Variants in LONP2 observed in about 807,000 individuals in gnomAD.
LONP2 encodes lon protease homolog 2, peroxisomal.
LONP2 carries 60 observed loss-of-function variants against 85.6 expected under a neutral mutation model. The observed-to-expected ratio is 0.70, with a 90% CI of 0.57 to 0.87. LONP2 has a LOEUF of 0.87. Among genes scored for constraint, LONP2 ranks in the 40% least tolerant of loss-of-function variants. The pLI is 0.00. For missense variants in LONP2, 860 were observed against 1,063.5 expected (o/e 0.81, Z 2.66); for synonymous variants, 395 against 389.7 (o/e 1.01, Z -0.16).
At chr16:48,246,671 C>T (rs981391981) in intron 1 of LONP2, among the ~76,000 whole-genome samples, 2 of 152,144 alleles carry the variant, frequency 1.3e-5, no homozygotes, top group African/African-American at 4.8e-5. Flanking sequence ...AACTCCTGGG[C>T]TCAAGTGATC....
intron 11 of LONP2, among the ~76,000 whole-genome samples, chr16:48,314,204 A>G (rs563409225): frequency 7.9e-5 from 12 of 151,162 alleles, no homozygotes; most frequent in African/African-American, 2.9e-4. Context: ...TAGATACTAG[A>G]CTTTTGTCGG....
At chr16:48,299,877 T>C in intron 10 of LONP2, 89 bp downstream of exon 10, 2 of 1,370,634 alleles carry the variant, frequency 1.5e-6, no homozygotes, top group Non-Finnish European at 2.0e-6. Flanking sequence ...TATCAATATT[T>C]GAGTTTTTCA....
At chr16:48,308,448 G>A (rs528987246) in intron 11 of LONP2, among the ~76,000 whole-genome samples, 80 of 152,114 alleles carry the variant, frequency 5.3e-4, no homozygotes, top group Non-Finnish European at 1.0e-3. Context: ...CCAAAATGGT[G>A]AAACCCCGTC....
At position 48,285,493 on chromosome 16, in the gene LONP2, C is replaced by T. The variant is rs150633705; in HGVS notation, c.1383+8014C>T. On this transcript the variant is annotated intron_variant, in intron 8 of 14. Transcript: ENST00000285737. ...TGTGTTGGTAATCTTTGTGGAGTCC[C>T]GTAGGTCTCTAAAGTGCTGTTCACT... Among the ~76,000 whole-genome samples, 5 of 152,036 alleles carry T rather than the reference C, an allele frequency of 3.3e-5. No individual in the cohort carries two copies. In the East Asian group the frequency reaches 7.8e-4, roughly 24 times the overall value.
chr16:48,263,158 G>A (rs1419836968), intron 6 of LONP2, among the ~76,000 whole-genome samples: 1 of 152,060 alleles, frequency 6.6e-6, no homozygotes, highest in Non-Finnish European at 1.5e-5. Flanking sequence ...TACCTCTTTT[G>A]TGATTATTAT....
At chr16:48,308,628 C>CAAAAA (rs545067276) in intron 11 of LONP2, among the ~76,000 whole-genome samples, 5 of 68,856 alleles carry the variant, frequency 7.3e-5, no homozygotes, top group South Asian at 5.8e-4. Context: ...GACTCTGTCT[C>CAAAAA]AAAAAAAAAA....
Position 48,289,258 on chromosome 16 carries a change from C to CA in LONP2, c.1384-6756dup, listed in dbSNP as rs371476760. Among the ~76,000 whole-genome samples, 287 of 152,254 alleles carry CA rather than the reference C, an allele frequency of 1.9e-3. 1 individual carries two copies. Among genetic ancestry groups the CA allele is most frequent in the African/African-American group, 6.6e-3 (274 of 41,534 alleles). On this transcript the variant is annotated intron_variant, in intron 8 of 14. Transcript: ENST00000285737. The stretch of plus-strand genomic sequence containing the variant: ...ACACAGCCTCAGGAGGTCCTGACGA[C>CA]ACGTGCCCAAGGTGGTCAGAGCACA...
intron 7 of LONP2, among the ~76,000 whole-genome samples, chr16:48,272,915 G>C (rs1201756275): frequency 6.6e-6 from 1 of 152,086 alleles, no homozygotes; most frequent in African/African-American, 2.4e-5. Flanking sequence ...CATGCACTTA[G>C]GTCAGTTATG....
rs1971901874 is a variant in LONP2, at chr16:48,262,639, C to A, written c.888-139C>A. 1.6e-5 allele frequency: 9 copies of A among 552,216 alleles called. No homozygotes were observed. In the East Asian group the frequency reaches 2.8e-4, roughly 17 times the overall value. The allele number at this position is 552,216 out of a possible 1,614,324, so 34.2% of individuals were successfully genotyped here. ...CAAAACAAAATAAACGTTTTATTAT[C>A]TGGATACTTTAAAACTTTTTCAGAT... On this transcript the variant is annotated intron_variant, in intron 5 of 14. Coordinates refer to ENST00000285737, the MANE Select transcript of LONP2 (RefSeq NM_031490.5).
intron 10 of LONP2, 130 bp downstream of exon 10, chr16:48,299,918 A>C (rs1972767163): frequency 3.3e-6 from 3 of 920,546 alleles, no homozygotes; most frequent in Middle Eastern, 2.2e-4. Context: ...TCTCCTGAAA[A>C]GGAGATTAGT....
chr16:48,284,038 C>T (rs565264921), intron 8 of LONP2, among the ~76,000 whole-genome samples: 8 of 152,162 alleles, frequency 5.3e-5, no homozygotes, highest in Admixed American at 4.6e-4. Flanking sequence ...AGGAAGTTAC[C>T]GCAGTTGTGG....
intron 1 of LONP2, among the ~76,000 whole-genome samples, chr16:48,245,035 C>G (rs528569416): frequency 1.3e-5 from 2 of 152,276 alleles, no homozygotes; most frequent in Admixed American, 6.5e-5. Flanking sequence ...TTACTCCTAT[C>G]CGCCTCCCCT....
intron 8 of LONP2, among the ~76,000 whole-genome samples, chr16:48,288,257 G>T (rs1237663704): frequency 1.3e-5 from 2 of 149,594 alleles, no homozygotes; most frequent in Non-Finnish European, 3.0e-5. Context: ...AGGTTCAAGC[G>T]ATTCTCCTGC....
chr16:48,298,752 A>G (rs1269302791), intron 9 of LONP2, among the ~76,000 whole-genome samples: 1 of 151,930 alleles, frequency 6.6e-6, no homozygotes, highest in East Asian at 1.9e-4. Context: ...ATAAAGAGAT[A>G]ATTGTCTCTA....
chr16:48,273,718 T>G (rs2150979653), intron 7 of LONP2, among the ~76,000 whole-genome samples: 1 of 152,100 alleles, frequency 6.6e-6, no homozygotes, highest in Non-Finnish European at 1.5e-5. Context: ...TAAGATGAAG[T>G]TTTATGAAAT....
chr16:48,347,765 C>T (rs753501291), intron 13 of LONP2, 51 bp downstream of exon 13: 2 of 1,532,316 alleles, frequency 1.3e-6, no homozygotes, highest in Non-Finnish European at 1.8e-6. Flanking sequence ...GCGGTACCTT[C>T]CATGGCGGAG....
At chr16:48,275,189 T>C (rs950426947) in intron 7 of LONP2, among the ~76,000 whole-genome samples, 1 of 148,140 alleles carries the variant, frequency 6.8e-6, no homozygotes, top group African/African-American at 2.7e-5. Flanking sequence ...GCCTGTGTTC[T>C]CTCATGATCC....
downstream of LONP2, among the ~76,000 whole-genome samples, chr16:48,357,517 G>A (rs757094680): frequency 5.9e-5 from 9 of 152,180 alleles, no homozygotes; most frequent in Non-Finnish European, 1.0e-4. Flanking sequence ...ACAGTCCTGC[G>A]TGGTAGTTCA....
chr16:48,304,783 A>T (rs1175365910), intron 11 of LONP2, among the ~76,000 whole-genome samples: 1 of 152,212 alleles, frequency 6.6e-6, no homozygotes, highest in African/African-American at 2.4e-5. Flanking sequence ...TCATCATATC[A>T]TGCTGTTATG....
Sources: allele counts gnomAD v4.1 joint callset (sites outside exome capture counted in the v4.1 genomes callset), GRCh38; gene constraint gnomAD v4.1.1; transcripts MANE v1.5; gene names NCBI Gene and HGNC (gene_info 2026-07-23, HGNC 2026-07-21).